Variants in CENPP observed in about 807,000 individuals in gnomAD.
CENPP encodes the protein centromere protein P.
In CENPP, 24 loss-of-function variants were observed where a neutral mutation model predicts 35.6. That is an observed-to-expected ratio of 0.67 (90% CI 0.49 to 0.95). The LOEUF is 0.95. Among genes scored for constraint, CENPP ranks in the 40% least tolerant of loss-of-function variants. The pLI is 0.00. For missense variants in CENPP, 332 were observed against 345.3 expected (o/e 0.96, Z 0.31); for synonymous variants, 120 against 125.5 (o/e 0.96, Z 0.29).
intron 5 of CENPP, among the ~76,000 whole-genome samples, chr9:92,446,745 A>G (rs1034434662): frequency 4.0e-5 from 6 of 151,720 alleles, no homozygotes; most frequent in African/African-American, 7.3e-5. Flanking sequence ...CAACCAAGCT[A>G]TCTAAAATCC....
At position 92,362,528 on chromosome 9, in the gene CENPP, T is replaced by C. The variant is rs374246939; in HGVS notation, c.467+16741T>C. ...AGATGATATTTTGTCCTTCTCAGCA[T>C]AGCTGTCCCTCATAGGTGATATTAA... On this transcript the variant is annotated intron_variant, in intron 4 of 7. Coordinates refer to ENST00000375587, the MANE Select transcript of CENPP (RefSeq NM_001012267.3). Among the ~76,000 whole-genome samples, 23 of 152,374 alleles carry C rather than the reference T, an allele frequency of 1.5e-4. No homozygotes were observed. In the East Asian group the frequency reaches 3.9e-3, roughly 26 times the overall value.
intron 5 of CENPP, among the ~76,000 whole-genome samples, chr9:92,488,740 G>T (rs1164079686): frequency 6.6e-6 from 1 of 152,104 alleles, no homozygotes; most frequent in Non-Finnish European, 1.5e-5. Context: ...AAAAAGATTT[G>T]CTTATATCAA....
chr9:92,596,438 C>T (rs1178129354), intron 5 of CENPP, among the ~76,000 whole-genome samples: 1 of 111,134 alleles, frequency 9.0e-6, no homozygotes, highest in African/African-American at 3.7e-5. Context: ...ATAGTAAGAC[C>T]CTGTGTCAAA....
At chr9:92,471,993 A>G (rs548043517) in intron 5 of CENPP, among the ~76,000 whole-genome samples, 2 of 152,272 alleles carry the variant, frequency 1.3e-5, no homozygotes, top group Admixed American at 1.3e-4. Flanking sequence ...AAAATTGAAG[A>G]ATTGAAAATC....
At chr9:92,596,574 G>A (rs1322263123) in intron 5 of CENPP, among the ~76,000 whole-genome samples, 3 of 151,928 alleles carry the variant, frequency 2.0e-5, no homozygotes, top group African/African-American at 7.3e-5. Flanking sequence ...GAAGGCTGAT[G>A]TGTTTTATAG....
At position 92,618,800 on chromosome 9, in the gene CENPP, G is replaced by T. The variant is rs1851530047; in HGVS notation, c.*5651G>T. ...GTTCAAAAGCACCGGGAAAGTGAGT[G>T]GCTGGCAGCCAGCAACCAAGGTCAT... On this transcript the variant is annotated 3_prime_UTR_variant, in exon 8 of 8. Transcript: ENST00000375587. 1 of 353,372 alleles carries T rather than the reference G, an allele frequency of 2.8e-6. No individual in the cohort carries two copies. The highest frequency in any genetic ancestry group is 2.2e-5 in the South Asian group (1 of 46,180). 21.9% of individuals were successfully genotyped at this position (353,372 alleles called of 1,614,324 possible). A position where few individuals can be genotyped will look rare whatever the true frequency, so the allele number is the denominator to read the frequency against.
chr9:92,417,568 T>C, intron 5 of CENPP: 1 of 1,518,636 alleles, frequency 6.6e-7, no homozygotes, highest in Middle Eastern at 1.8e-4. Flanking sequence ...TCTTCTTTTT[T>C]TTTTTCCTAT....
At chr9:92,573,272 G>A (rs1053474680) in intron 5 of CENPP, among the ~76,000 whole-genome samples, 7 of 152,138 alleles carry the variant, frequency 4.6e-5, no homozygotes, top group African/African-American at 1.7e-4. Flanking sequence ...GTACAGATGG[G>A]GTTTTGGTGT....
At position 92,436,955 on chromosome 9, in the gene CENPP, T is replaced by G. The variant is rs564834441; in HGVS notation, c.564+57096T>G. On this transcript the variant is annotated intron_variant, in intron 5 of 7. Coordinates refer to ENST00000375587, the MANE Select transcript of CENPP (RefSeq NM_001012267.3). Reference sequence around the variant, plus strand: ...TGGCTCACACTTGTAATCCCAGCACTTTGGGAGGCCAAGGCGGGCAGATCA... The same window carrying G: ...TGGCTCACACTTGTAATCCCAGCACGTTGGGAGGCCAAGGCGGGCAGATCA... Among the ~76,000 whole-genome samples, 3 of 152,300 alleles carry G rather than the reference T, an allele frequency of 2.0e-5. No individual in the cohort carries two copies. The South Asian group carries it at 6.2e-4, about 32-fold the overall frequency.
At chr9:92,552,055 CAT>C (rs1159938609) in intron 5 of CENPP, among the ~76,000 whole-genome samples, 2 of 125,074 alleles carry the variant, frequency 1.6e-5, no homozygotes, top group Non-Finnish European at 3.3e-5. Context: ...ATAGGTCTAT[CAT>C]ATATGTGATA....
intron 5 of CENPP, among the ~76,000 whole-genome samples, chr9:92,473,684 T>G (rs1463433745): frequency 6.6e-6 from 1 of 152,194 alleles, no homozygotes; most frequent in Non-Finnish European, 1.5e-5. Context: ...CCTAGCCTAT[T>G]TCATTAGACT....
Position 92,379,832 on chromosome 9 carries a change from T to C in CENPP, c.537T>C (p.Tyr179=), listed in dbSNP as rs1166759772. 6.2e-7 allele frequency: 1 copy of C among 1,612,624 alleles called. No homozygotes were observed. Among genetic ancestry groups the C allele is most frequent in the Admixed American group, 1.7e-5 (1 of 60,016 alleles). ...ATTTTTTTGTGGAGTGGTTTGAATA[T>C]CGTAAGCGCACGTTTAAACATCTCA... ...SLHFFVEWFE[Y]RKRTFKHLKE... is the part of the protein sequence containing the mutation. The change falls in exon 5 of 8, where the codon TAT becomes TAC. Residue 179 remains tyrosine, a synonymous_variant. Transcript: ENST00000375587.
At chr9:92,494,680 G>A (rs151183195) in intron 5 of CENPP, among the ~76,000 whole-genome samples, 4,750 of 152,086 alleles carry the variant, frequency 0.031, 115 homozygotes, top group South Asian at 0.083. Context: ...AGGCCGAGGC[G>A]GTCTTATCAC....
chr9:92,353,763 A>C (rs1005635671), intron 4 of CENPP, among the ~76,000 whole-genome samples: 1 of 152,114 alleles, frequency 6.6e-6, no homozygotes, highest in Admixed American at 6.5e-5. Context: ...CAGGAAGCAA[A>C]AATTTTGCCA....
At chr9:92,414,949 T>C (rs1166774580) in intron 5 of CENPP, 3 of 372,108 alleles carry the variant, frequency 8.1e-6, no homozygotes, top group Non-Finnish European at 1.4e-5. Flanking sequence ...TTCTAATTTA[T>C]ATTTTTAAAG....
chr9:92,581,481 GATTGGCTAT>G (rs1232814099), intron 5 of CENPP, among the ~76,000 whole-genome samples: 6 of 152,274 alleles, frequency 3.9e-5, no homozygotes, highest in African/African-American at 1.4e-4. Context: ...CAAAGGAATG[GATTGGCTAT>G]ATTGGCAAAC....
chr9:92,451,279 T>C (rs1844701782), intron 5 of CENPP, among the ~76,000 whole-genome samples: 1 of 149,638 alleles, frequency 6.7e-6, no homozygotes, highest in African/African-American at 2.5e-5. Flanking sequence ...TGGTATAAGG[T>C]GTAAGGAAGG....
chr9:92,468,784 C>G lies in CENPP; in HGVS notation c.564+88925C>G, dbSNP rs761961589. 2.0e-5 allele frequency among the ~76,000 whole-genome samples: 3 copies of G among 151,996 alleles called. No homozygotes were observed. The East Asian group carries it at 5.8e-4, about 29-fold the overall frequency. Reference sequence around the variant, plus strand: ...GTAGCTTGGCAGTAATACTACTTAACAGCTGGGGGCTTTCCCTCCATTGCT... The same window carrying G: ...GTAGCTTGGCAGTAATACTACTTAAGAGCTGGGGGCTTTCCCTCCATTGCT... On this transcript the variant is annotated intron_variant, in intron 5 of 7. Transcript: ENST00000375587.
At chr9:92,560,004 G>A (rs1379260834) in intron 5 of CENPP, among the ~76,000 whole-genome samples, 2 of 152,162 alleles carry the variant, frequency 1.3e-5, no homozygotes, top group Admixed American at 1.3e-4. Flanking sequence ...GCTGGGCAAG[G>A]TGGCACATAA....
Sources: gnomAD v4.1 joint callset for allele counts (sites outside exome capture counted in the v4.1 genomes callset) on GRCh38, gnomAD v4.1.1 for gene constraint, MANE v1.5 for transcripts, NCBI Gene and HGNC (gene_info 2026-07-23, HGNC 2026-07-21) for gene names.